The following STPG4 variants were observed in gnomAD, a reference collection of about 807,000 sequenced individuals.
STPG4 encodes protein STPG4.
Under a neutral mutation model 31.5 loss-of-function variants are expected in STPG4, and 41 were observed. The ratio of observed to expected loss-of-function variants is 1.30; its 90% confidence interval spans 1.01 to 1.69. The LOEUF (loss-of-function observed/expected upper bound fraction) is 1.69. STPG4 is among the 40% of genes most tolerant of loss of function. The pLI, the probability that STPG4 is intolerant of heterozygous loss-of-function variation, is 0.00. For synonymous variants in STPG4, 141 were observed against 103.0 expected (o/e 1.37, Z -2.24); for missense variants, 375 against 293.4 (o/e 1.28, Z -2.03).
chr2:47,131,282 A>G (rs542155085), intron 3 of STPG4, among the ~76,000 whole-genome samples: 3 of 152,102 alleles, frequency 2.0e-5, no homozygotes, highest in African/African-American at 7.2e-5. Flanking sequence ...GCGCACCACC[A>G]TACCTGGCTA....
chr2:47,092,918 A>G (rs1263938428), intron 5 of STPG4, among the ~76,000 whole-genome samples: 1 of 151,998 alleles, frequency 6.6e-6, no homozygotes, highest in Non-Finnish European at 1.5e-5. Context: ...TCAGCCTCTC[A>G]AGTAGCTAGG....
rs188829152 is a variant in STPG4, at chr2:47,091,249, A to T, written c.520-875T>A. On this transcript the variant is annotated intron_variant, in intron 5 of 6. Transcript: ENST00000445927. The stretch of plus-strand genomic sequence containing the variant: ...CAAGCACTCCTTATGATGCTGGCAG[A>T]AGCATAAATTCGCTCAGCCTTTCCA... Among the ~76,000 whole-genome samples, 270 of 152,354 alleles carry T rather than the reference A, an allele frequency of 1.8e-3. 1 individual carries two copies. Among genetic ancestry groups the T allele is most frequent in the African/African-American group, 6.3e-3 (264 of 41,578 alleles).
chr2:47,113,518 T>TA (rs1686082870), intron 5 of STPG4, among the ~76,000 whole-genome samples: 1 of 152,134 alleles, frequency 6.6e-6, no homozygotes, highest in Non-Finnish European at 1.5e-5. Context: ...ACTAATATGT[T>TA]AAAAAACATA....
intron 3 of STPG4, among the ~76,000 whole-genome samples, chr2:47,141,621 TC>T (rs1354480668): frequency 2.6e-5 from 4 of 152,066 alleles, no homozygotes; most frequent in African/African-American, 7.2e-5. Flanking sequence ...CTACTTTTTT[TC>T]ATTTAAGTGA....
intron 5 of STPG4, among the ~76,000 whole-genome samples, chr2:47,110,331 C>T (rs1426170574): frequency 5.3e-5 from 8 of 152,216 alleles, no homozygotes; most frequent in African/African-American, 1.9e-4. Flanking sequence ...CGGTGGCTCA[C>T]GCCTGTAATC....
intron 5 of STPG4, among the ~76,000 whole-genome samples, chr2:47,101,805 C>T (rs1029340740): frequency 1.3e-5 from 2 of 151,884 alleles, no homozygotes; most frequent in Admixed American, 6.6e-5. Context: ...GTCACTCTTC[C>T]AACCCTGAAG....
At chr2:47,125,081 G>C (rs1329771688) in intron 5 of STPG4, among the ~76,000 whole-genome samples, 1 of 152,186 alleles carries the variant, frequency 6.6e-6, no homozygotes, top group Non-Finnish European at 1.5e-5. Context: ...TTTGAGAAAT[G>C]TCTATTCAGA....
intron 5 of STPG4, chr2:47,129,506 C>T (rs1375168495): frequency 3.0e-5 from 5 of 165,330 alleles, no homozygotes; most frequent in South Asian, 3.2e-4. Context: ...GGTCTAAATG[C>T]TCCCTCCATG....
At position 47,087,109 on chromosome 2, in the gene STPG4, A is replaced by G. The variant is rs912979727; in HGVS notation, c.646T>C (p.Tyr216His). The G allele has an allele frequency of 1.4e-5, 21 of 1,551,680 alleles. No individual in the cohort carries two copies. The highest frequency in any genetic ancestry group is 1.7e-6 in the Non-Finnish European group (2 of 1,147,006). The change falls in exon 7 of 7, where the codon TAT (tyrosine) becomes CAT (histidine). Residue 216 changes from tyrosine to histidine, a missense_variant. Tyr to His is a moderately conservative substitution (Grantham distance 83). Transcript: ENST00000445927. ...TTAGGGAATTGTCTTAAAGTTGTATATGCTCCTGGGCCTGGGGTTTTCTGA... is the reference window on the plus strand; with the variant it reads ...TTAGGGAATTGTCTTAAAGTTGTATGTGCTCCTGGGCCTGGGGTTTTCTGA... ...SCSKTPGPGA[Y>H]TTLRQFPKQS...
chr2:47,107,812 T>C (rs1170329476), intron 5 of STPG4, among the ~76,000 whole-genome samples: 1 of 152,026 alleles, frequency 6.6e-6, no homozygotes, highest in African/African-American at 2.4e-5. Context: ...ATCAGCACTC[T>C]ATCTAGCTCA....
Position 47,087,029 on chromosome 2 carries a change from G to T in STPG4, c.726C>A (p.Asn242Lys). The change falls in exon 7 of 7, where the codon AAC becomes AAA. Residue 242 changes from asparagine to lysine, a missense_variant. Coordinates refer to ENST00000445927, the MANE Select transcript of STPG4 (RefSeq NM_001163561.2). ...MGQEHSLFFN[N>K]NNWLLK ...CACTTTATTTTAAAAGCCAATTGTT[G>T]TTGTTGAAGAAAAGGCTATGCTCTT... The T allele has an allele frequency of 6.4e-7, 1 of 1,551,752 alleles. No individual in the cohort carries two copies. The highest frequency in any genetic ancestry group is 1.7e-4 in the Middle Eastern group (1 of 5,992).
At chr2:47,095,849 C>T (rs1020370674) in intron 5 of STPG4, among the ~76,000 whole-genome samples, 1 of 152,136 alleles carries the variant, frequency 6.6e-6, no homozygotes, top group Non-Finnish European at 1.5e-5. Flanking sequence ...AAGGTGCATG[C>T]AAATTCCAAG....
At chr2:47,087,851 C>T (rs766816328) in intron 6 of STPG4, among the ~76,000 whole-genome samples, 13 of 152,150 alleles carry the variant, frequency 8.5e-5, no homozygotes, top group South Asian at 2.1e-4. Flanking sequence ...CGGGTTCAAG[C>T]GATTCTCCTG....
chr2:47,131,849 A>T (rs1686490206), intron 3 of STPG4, among the ~76,000 whole-genome samples: 1 of 152,182 alleles, frequency 6.6e-6, no homozygotes, highest in Non-Finnish European at 1.5e-5. Context: ...ATTAGCCCAC[A>T]GTTATGATAT....
chr2:47,126,797 G>T (rs1686375431), intron 5 of STPG4, among the ~76,000 whole-genome samples: 1 of 152,058 alleles, frequency 6.6e-6, no homozygotes, highest in Non-Finnish European at 1.5e-5. Context: ...ACTATTCCAG[G>T]ATAAGTTTTT....
intron 5 of STPG4, among the ~76,000 whole-genome samples, chr2:47,107,989 G>C (rs1249280234): frequency 1.3e-5 from 2 of 151,574 alleles, no homozygotes; most frequent in African/African-American, 4.9e-5. Flanking sequence ...CTCAAGGTTT[G>C]TAAATACACC....
At chr2:47,144,736 T>G (rs763285838) in intron 3 of STPG4, among the ~76,000 whole-genome samples, 1 of 151,966 alleles carries the variant, frequency 6.6e-6, no homozygotes, top group Non-Finnish European at 1.5e-5. Flanking sequence ...AGTTTTTTTG[T>G]TTTTTGTTTT....
chr2:47,090,320 CAG>C lies in STPG4; in HGVS notation c.572_573del (p.Ser191CysfsTer33). The C allele has an allele frequency of 6.4e-7, 1 of 1,552,000 alleles. No homozygotes were observed. The highest frequency in any genetic ancestry group is 1.2e-5 in the South Asian group (1 of 84,058). ...HYNVKMPPTS[S>X]VTSCFQSRVP... ...ACTCTGGATTGAAAACAAGAAGTGA[CAG>C]AGCTTGTTGGAGGCATTTTCACATT... On this transcript the variant is annotated frameshift_variant, in exon 6 of 7. Transcript: ENST00000445927. LOFTEE classifies it high-confidence loss of function.
chr2:47,125,719 A>G (rs1300547406), intron 5 of STPG4, among the ~76,000 whole-genome samples: 1 of 90,924 alleles, frequency 1.1e-5, no homozygotes, highest in African/African-American at 4.6e-5. Flanking sequence ...GAGGTCTTAG[A>G]TTTAATTTTT....
Sources: allele counts gnomAD v4.1 joint callset (sites outside exome capture counted in the v4.1 genomes callset), GRCh38; gene constraint gnomAD v4.1.1; transcripts MANE v1.5; gene names NCBI Gene and HGNC (gene_info 2026-07-23, HGNC 2026-07-21).